The following NEBL variants were observed in gnomAD, a reference collection of about 807,000 sequenced individuals.
The protein encoded by NEBL is nebulette, also known as LIM and SH3 protein 2.
Under a neutral mutation model 140.2 loss-of-function variants are expected in NEBL, and 122 were observed. The ratio of observed to expected loss-of-function variants is 0.87; its 90% CI spans 0.75 to 1.01. NEBL has a LOEUF of 1.01. Ranked by LOEUF, NEBL falls within the 50% of genes least tolerant of loss-of-function variation. The pLI, the probability that NEBL is intolerant of heterozygous loss-of-function variation, is 0.00. For synonymous variants in NEBL, 436 were observed against 398.9 expected (o/e 1.09, Z -1.11); for missense variants, 1,365 against 1,231.3 (o/e 1.11, Z -1.62).
rs1304015139 is a variant in NEBL at position 20,781,300 on chromosome 10, A to G, written c.*4447T>C. 1.3e-5 allele frequency: 2 copies of G among 152,570 alleles called. No individual in the cohort carries two copies. The highest frequency in any genetic ancestry group is 1.3e-4 in the Admixed American group (2 of 15,270). 9.5% of individuals were successfully genotyped at this position (152,570 alleles called of 1,614,324 possible). A position where few individuals can be genotyped will look rare whatever the true frequency, so the allele number is the denominator to read the frequency against. On this transcript the variant is annotated 3_prime_UTR_variant, in exon 28 of 28. Coordinates refer to ENST00000377122, the MANE Select transcript of NEBL (RefSeq NM_006393.3). ...TTTCTTCAAAACTGTTACACTCTCA[A>G]AGTTAGTCTCGCAAATTAATCATCA...
intron 4 of NEBL, among the ~76,000 whole-genome samples, chr10:20,923,934 T>A (rs1189202539): frequency 6.6e-6 from 1 of 152,048 alleles, no homozygotes; most frequent in Non-Finnish European, 1.5e-5. Flanking sequence ...ACATTTCCTA[T>A]CTAGCCCTTT....
intron 9 of NEBL, among the ~76,000 whole-genome samples, chr10:20,853,442 T>C (rs893922730): frequency 2.0e-5 from 3 of 152,096 alleles, no homozygotes; most frequent in African/African-American, 7.2e-5. Flanking sequence ...ATAAAGAAAA[T>C]GTGGCACATA....
chr10:21,277,208 CTTT>C (rs1260862410), intron 1 of NEBL, among the ~76,000 whole-genome samples: 6 of 133,514 alleles, frequency 4.5e-5, no homozygotes, highest in Admixed American at 1.5e-4. Flanking sequence ...ATATTTCTTT[CTTT>C]TTTTTTTTTT....
At chr10:20,976,298 C>T (rs903570486) in intron 3 of NEBL, among the ~76,000 whole-genome samples, 2 of 150,042 alleles carry the variant, frequency 1.3e-5, no homozygotes, top group South Asian at 4.2e-4. Flanking sequence ...GCCGAGATCA[C>T]ACCACTGCAC....
chr10:21,249,011 T>G (rs1464688477), intron 2 of NEBL, among the ~76,000 whole-genome samples: 1 of 147,064 alleles, frequency 6.8e-6, no homozygotes, highest in Non-Finnish European at 1.5e-5. Context: ...TGCTCATTTT[T>G]GGGTGTTTTT....
At chr10:20,823,364 T>A (rs1186389346) in intron 18 of NEBL, 64 bp from the exon 19 acceptor site, 3 of 1,214,224 alleles carry the variant, frequency 2.5e-6, no homozygotes, top group Non-Finnish European at 3.5e-6. Flanking sequence ...ATATTGAGAA[T>A]TCTTCAATTG....
At chr10:20,890,862 T>A (rs756396126) in intron 2 of NEBL, among the ~76,000 whole-genome samples, 5 of 152,262 alleles carry the variant, frequency 3.3e-5, no homozygotes, top group Non-Finnish European at 7.3e-5. Flanking sequence ...AAGGCAAAAC[T>A]ATGACTCATT....
chr10:20,946,721 C>T (rs575282626), intron 4 of NEBL, among the ~76,000 whole-genome samples: 6 of 152,270 alleles, frequency 3.9e-5, no homozygotes, highest in Admixed American at 2.0e-4. Flanking sequence ...ATTCTTTAAA[C>T]TGGACATATT....
chr10:20,810,467 T>C (rs1838028781), intron 24 of NEBL, among the ~76,000 whole-genome samples: 1 of 152,202 alleles, frequency 6.6e-6, no homozygotes, highest in African/African-American at 2.4e-5. Context: ...AAGCTAAGTG[T>C]ATCTTAGGGA....
intron 2 of NEBL, among the ~76,000 whole-genome samples, chr10:21,103,434 C>T (rs1837567650): frequency 6.6e-6 from 1 of 152,086 alleles, no homozygotes; most frequent in African/African-American, 2.4e-5. Context: ...AGTATGGTCT[C>T]CATCTCCTCA....
At chr10:20,963,003 A>AAAACACACAC (rs373283147) in intron 3 of NEBL, among the ~76,000 whole-genome samples, 1 of 143,210 alleles carries the variant, frequency 7.0e-6, no homozygotes, top group Non-Finnish European at 1.5e-5. Flanking sequence ...TTGAAAGAAA[A>AAAACACACAC]ACACACACAC....
intron 4 of NEBL, among the ~76,000 whole-genome samples, chr10:20,926,149 G>A (rs181638713): frequency 4.5e-4 from 68 of 152,276 alleles, no homozygotes; most frequent in African/African-American, 1.1e-3. Context: ...GGCTTGAGTC[G>A]CTACTGGCAT....
rs758542974 is a variant in NEBL at position 20,896,974 on chromosome 10, G to A, written c.137C>T (p.Thr46Met). 2.0e-5 allele frequency: 32 copies of A among 1,613,498 alleles called. No homozygotes were observed. The highest frequency in any genetic ancestry group is 6.7e-5 in the African/African-American group (5 of 74,780). ...DLSMELARKC[T>M]ELISDIRYKE... is the part of the protein sequence containing the mutation. ...GCCACTTACATCGCTAATGAGTTCC[G>A]TGCATTTTCTGGCCAATTCCATGCT... Residue 46 changes from threonine to methionine, a missense_variant, in exon 2 of 28, where the codon ACG (threonine) becomes ATG (methionine). Thr to Met is a moderately conservative substitution (Grantham distance 81, BLOSUM62 -1). Transcript: ENST00000377122.
chr10:20,811,408 C>T (rs996108282), intron 24 of NEBL, among the ~76,000 whole-genome samples: 23 of 152,176 alleles, frequency 1.5e-4, no homozygotes, highest in Non-Finnish European at 3.4e-4. Context: ...AACCCCTGCA[C>T]TATCCCTTAA....
At chr10:21,103,022 TTG>T (rs1837547688) in intron 2 of NEBL, among the ~76,000 whole-genome samples, 1 of 134,440 alleles carries the variant, frequency 7.4e-6, no homozygotes, top group South Asian at 2.5e-4. Flanking sequence ...GTTCCCCTCC[TTG>T]TGTCCATGGC....
intron 1 of NEBL, among the ~76,000 whole-genome samples, chr10:21,254,478 C>T (rs185482934): frequency 6.6e-6 from 1 of 152,094 alleles, no homozygotes; most frequent in East Asian, 1.9e-4. Context: ...TGTTGTCACC[C>T]TGTCACCCAG....
rs1036964483 is a variant in NEBL at position 20,780,767 on chromosome 10, C to T, written c.*4980G>A. On this transcript the variant is annotated 3_prime_UTR_variant, in exon 28 of 28. Transcript: ENST00000377122. Reference sequence around the variant, plus strand: ...ACCCTGAAGAGAGTGCATTTGAGAACGCAGTTCTATCATAGGAGACCACTT... The same window carrying T: ...ACCCTGAAGAGAGTGCATTTGAGAATGCAGTTCTATCATAGGAGACCACTT... The T allele has an allele frequency of 3.3e-5, 5 of 152,146 alleles. No homozygotes were observed. The highest frequency in any genetic ancestry group is 6.5e-5 in the Admixed American group (1 of 15,286). 9.4% of individuals were successfully genotyped at this position (152,146 alleles called of 1,614,324 possible). A position where few individuals can be genotyped will look rare whatever the true frequency, so the allele number is the denominator to read the frequency against.
In NEBL at chr10:21,173,526, C is replaced by G. The variant is rs904327769; in HGVS notation, c.69+239G>C. Among the ~76,000 whole-genome samples, 3 of 152,134 alleles carry G rather than the reference C, an allele frequency of 2.0e-5. No individual in the cohort carries two copies. Among genetic ancestry groups the G allele is most frequent in the African/African-American group, 4.8e-5 (2 of 41,432 alleles). ...CGTGCGCCCTCCGCAGAGGCTCTGC[C>G]GATGTCGCACCGCCCCGCACCGCGA... On this transcript the variant is annotated intron_variant, in intron 1 of 6. Transcript: ENST00000417816. The surrounding 1 kb of genome is among the most constrained non-coding windows in gnomAD (Gnocchi z 5.7).
chr10:21,049,494 T>A (rs1834671768), intron 2 of NEBL, among the ~76,000 whole-genome samples: 1 of 152,214 alleles, frequency 6.6e-6, no homozygotes, highest in South Asian at 2.1e-4. Context: ...ACCACATCAC[T>A]CCAGAGCCTA....
Sources: gnomAD v4.1 joint callset for allele counts (sites outside exome capture counted in the v4.1 genomes callset) on GRCh38, gnomAD v4.1.1 for gene constraint, Gnocchi (gnomAD v3.1) non-coding constraint, MANE v1.5 for transcripts, NCBI Gene and HGNC (gene_info 2026-07-23, HGNC 2026-07-21) for gene names.